SLC6A3: variants seen among roughly 807,000 people sequenced by gnomAD.
SLC6A3 encodes sodium-dependent dopamine transporter.
In SLC6A3, 19 loss-of-function variants were observed where a neutral mutation model predicts 70.4. That is an observed-to-expected ratio of 0.27 (90% CI 0.19 to 0.40). The LOEUF is 0.40. Among genes scored for constraint, SLC6A3 ranks in the 10% least tolerant of loss-of-function variants. The pLI, the probability that SLC6A3 is intolerant of heterozygous loss-of-function variation, is 1.00. For missense variants in SLC6A3, 613 were observed against 838.5 expected, an observed-to-expected ratio of 0.73 and a Z score of 3.32; for synonymous variants, 368 against 356.6, an observed-to-expected ratio of 1.03 and a Z score of -0.36.
At chr5:1,409,565 T>C (rs1229048660) in intron 10 of SLC6A3, among the ~76,000 whole-genome samples, 156 bp downstream of exon 10, 1 of 152,228 alleles carries the variant, frequency 6.6e-6, no homozygotes, top group Non-Finnish European at 1.5e-5. Flanking sequence ...GCAGTTACCC[T>C]GTGCACTGCT....
intron 8 of SLC6A3, among the ~76,000 whole-genome samples, chr5:1,414,098 G>A (rs560150687): frequency 2.8e-4 from 42 of 152,260 alleles, no homozygotes; most frequent in South Asian, 1.5e-3. Context: ...GGGATCTCCC[G>A]GCTGCTCTGT....
In SLC6A3 at chr5:1,442,774, C is replaced by A; in HGVS notation, c.286+138G>T. 1 of 861,172 alleles carries A rather than the reference C, an allele frequency of 1.2e-6. No individual in the cohort carries two copies. Among genetic ancestry groups the A allele is most frequent in the South Asian group, 1.4e-5 (1 of 71,070 alleles). 53.3% of individuals were successfully genotyped at this position (861,172 alleles called of 1,614,324 possible). A position where few individuals can be genotyped will look rare whatever the true frequency, so the allele number is the denominator to read the frequency against. ...TGACATCCTCTGGGAGGATCTGCAC[C>A]GGCCGTGAGCTCTCACAGGGAGCTC... On this transcript the variant is annotated intron_variant, in intron 2 of 14. Coordinates refer to ENST00000270349, the MANE Select transcript of SLC6A3 (RefSeq NM_001044.5). This position sits in a 1 kb window ranked among gnomAD's most constrained non-coding sequence, Gnocchi z 5.0.
chr5:1,410,756 A>C (rs1400807687), intron 9 of SLC6A3, among the ~76,000 whole-genome samples: 1 of 152,114 alleles, frequency 6.6e-6, no homozygotes, highest in East Asian at 1.9e-4. Context: ...GTCCGGAGCC[A>C]AGTCTTTGGT....
chr5:1,418,218 C>A (rs770439094), intron 6 of SLC6A3, among the ~76,000 whole-genome samples: 5 of 152,130 alleles, frequency 3.3e-5, no homozygotes, highest in Non-Finnish European at 5.9e-5. Flanking sequence ...TCCTCCTCAC[C>A]CTGATCTGTG....
At chr5:1,417,599 C>G (rs188319403) in intron 6 of SLC6A3, among the ~76,000 whole-genome samples, 1 of 152,324 alleles carries the variant, frequency 6.6e-6, no homozygotes, top group Non-Finnish European at 1.5e-5. Context: ...CACGATTGGA[C>G]CATTGTGGTA....
intron 12 of SLC6A3, among the ~76,000 whole-genome samples, chr5:1,403,500 A>T (rs28363128): frequency 8.3e-5 from 10 of 120,518 alleles, no homozygotes; most frequent in Non-Finnish European, 1.2e-4. Flanking sequence ...ATTCCATCCC[A>T]TCCTGTTCTA....
chr5:1,411,093 A>G lies in SLC6A3; in HGVS notation c.1269+150T>C, dbSNP rs947450472. 5.2e-5 allele frequency: 36 copies of G among 687,406 alleles called. No individual in the cohort carries two copies. Among genetic ancestry groups the G allele is most frequent in the Non-Finnish European group, 9.5e-5 (36 of 377,166 alleles). The allele number at this position is 687,406 out of a possible 1,614,324, so 42.6% of individuals were successfully genotyped here. Reference sequence around the variant, plus strand: ...TCCAGCCCCGAGAAAGGTCTCCCAAATAATCACGGGGCTCGCCCAAGTCAA... The same window carrying G: ...TCCAGCCCCGAGAAAGGTCTCCCAAGTAATCACGGGGCTCGCCCAAGTCAA... On this transcript the variant is annotated intron_variant, in intron 9 of 14. Coordinates refer to ENST00000270349, the MANE Select transcript of SLC6A3 (RefSeq NM_001044.5). This position sits in a 1 kb window ranked among gnomAD's most constrained non-coding sequence, Gnocchi z 6.5.
chr5:1,432,637 G>C lies in SLC6A3; in HGVS notation c.480C>G (p.Ile160Met). The C allele has an allele frequency of 6.2e-7, 1 of 1,614,204 alleles. No homozygotes were observed. Among genetic ancestry groups the C allele is most frequent in the Non-Finnish European group, 8.5e-7 (1 of 1,180,032 alleles). The change falls in exon 4 of 15, where the codon ATC (isoleucine) becomes ATG (methionine). Residue 160 changes from isoleucine (I) to methionine (M), a missense_variant. Transcript: ENST00000270349. Reference sequence around the variant, plus strand: ...AGAAGAGATAGTGCAGCGCCCAGGCGATGATGACGTTGTAGAAGAAGCCGA... The same window carrying C: ...AGAAGAGATAGTGCAGCGCCCAGGCCATGATGACGTTGTAGAAGAAGCCGA... ...LYVGFFYNVI[I>M]AWALHYLFSS...
At chr5:1,409,256 C>T (rs899298906) in intron 10 of SLC6A3, 131 bp from the exon 11 acceptor site, 1 of 732,748 alleles carries the variant, frequency 1.4e-6, no homozygotes, top group African/African-American at 1.7e-5. Context: ...AAAATTCAAC[C>T]CACATGCAGC....
chr5:1,415,205 T>C (rs569904575), intron 7 of SLC6A3, among the ~76,000 whole-genome samples: 2 of 152,056 alleles, frequency 1.3e-5, no homozygotes, highest in East Asian at 1.9e-4. Flanking sequence ...GGGCTGTGTT[T>C]CCCATGAACT....
chr5:1,398,658 AACAG>A (rs1755776756), intron 14 of SLC6A3, among the ~76,000 whole-genome samples: 1 of 152,256 alleles, frequency 6.6e-6, no homozygotes, highest in African/African-American at 2.4e-5. Flanking sequence ...GTTGAAAGTT[AACAG>A]ATTGCAAAAG....
intron 1 of SLC6A3, among the ~76,000 whole-genome samples, chr5:1,444,675 G>A (rs1289858587): frequency 6.6e-6 from 1 of 152,254 alleles, no homozygotes; most frequent in Non-Finnish European, 1.5e-5. Context: ...TTGGGAGAGG[G>A]CGTCGGGTGC....
rs564054633 is a variant in SLC6A3, at chr5:1,394,329, G to A, written c.*406C>T. The A allele has an allele frequency of 2.0e-5, 7 of 349,670 alleles. No individual in the cohort carries two copies. Among genetic ancestry groups the A allele is most frequent in the Middle Eastern group, 9.1e-4 (1 of 1,100 alleles). The allele number at this position is 349,670 out of a possible 1,614,324, so 21.7% of individuals were successfully genotyped here. A position where few individuals can be genotyped will look rare whatever the true frequency, so the allele number is the denominator to read the frequency against. Reference sequence around the variant, plus strand: ...TGGTCTAGGAAGCTACTGTGAGCACGGGGATTCTCAGCAGGTGCGTCTACA... The same window carrying A: ...TGGTCTAGGAAGCTACTGTGAGCACAGGGATTCTCAGCAGGTGCGTCTACA... On this transcript the variant is annotated 3_prime_UTR_variant, in exon 15 of 15. Coordinates refer to ENST00000270349, the MANE Select transcript of SLC6A3 (RefSeq NM_001044.5). The surrounding 1 kb of genome is among the most constrained non-coding windows in gnomAD (Gnocchi z 4.7).
In SLC6A3 at chr5:1,394,535, A is replaced by C. The variant is rs896362119; in HGVS notation, c.*200T>G. The C allele has an allele frequency of 2.5e-5, 17 of 682,414 alleles. No individual in the cohort carries two copies. The highest frequency in any genetic ancestry group is 1.0e-4 in the Admixed American group (5 of 48,048). 42.3% of individuals were successfully genotyped at this position (682,414 alleles called of 1,614,324 possible). A position where few individuals can be genotyped will look rare whatever the true frequency, so the allele number is the denominator to read the frequency against. On this transcript the variant is annotated 3_prime_UTR_variant, in exon 15 of 15. Coordinates refer to ENST00000270349, the MANE Select transcript of SLC6A3 (RefSeq NM_001044.5). This position sits in a 1 kb window ranked among gnomAD's most constrained non-coding sequence, Gnocchi z 4.7. Reference sequence around the variant, plus strand: ...ATCTACGTCGTTATTACAGCAACACAAGACACGGCGAGGTGCGCTCCCGGC... The same window carrying C: ...ATCTACGTCGTTATTACAGCAACACCAGACACGGCGAGGTGCGCTCCCGGC...
At chr5:1,430,386 G>A (rs531646984) in intron 4 of SLC6A3, among the ~76,000 whole-genome samples, 2 of 152,262 alleles carry the variant, frequency 1.3e-5, no homozygotes, top group South Asian at 4.1e-4. Context: ...CCTCCGCCCC[G>A]GCTCCTCACC....
At chr5:1,416,728 C>T (rs538089855) in intron 6 of SLC6A3, 1 of 251,300 alleles carries the variant, frequency 4.0e-6, no homozygotes, top group Admixed American at 5.1e-5. Context: ...GCCCTCGGAA[C>T]AGCACGGACT....
At position 1,413,596 on chromosome 5, in the gene SLC6A3, C is replaced by A. The variant is rs550966846; in HGVS notation, c.1156+1095G>T. Among the ~76,000 whole-genome samples, 105 of 152,324 alleles carry A rather than the reference C, an allele frequency of 6.9e-4. No homozygotes were observed. Among genetic ancestry groups the A allele is most frequent in the African/African-American group, 2.4e-3 (101 of 41,572 alleles). On this transcript the variant is annotated intron_variant, in intron 8 of 14. Coordinates refer to ENST00000270349, the MANE Select transcript of SLC6A3 (RefSeq NM_001044.5). This position sits in a 1 kb window ranked among gnomAD's most constrained non-coding sequence, Gnocchi z 7.1. ...TCATTCCTCACAAATGTAGTGCCCC[C>A]ACCCCACCCCCGGAGAAGACAGTCC... is the stretch of plus-strand genomic sequence containing the variant.
chr5:1,422,577 C>G (rs1209766804), intron 4 of SLC6A3, among the ~76,000 whole-genome samples: 21 of 60,664 alleles, frequency 3.5e-4, no homozygotes, highest in East Asian at 1.9e-3. Flanking sequence ...GCTGCCCACG[C>G]TGCTGGGTAC....
chr5:1,435,452 G>A (rs1476630026), intron 3 of SLC6A3, among the ~76,000 whole-genome samples: 1 of 152,248 alleles, frequency 6.6e-6, no homozygotes, highest in Non-Finnish European at 1.5e-5. Flanking sequence ...AGGAAGGGCT[G>A]AGTGTACCCT....
Sources: allele counts gnomAD v4.1 joint callset (sites outside exome capture counted in the v4.1 genomes callset), GRCh38; gene constraint gnomAD v4.1.1; non-coding constraint Gnocchi (gnomAD v3.1); transcripts MANE v1.5; gene names NCBI Gene and HGNC (gene_info 2026-07-23, HGNC 2026-07-21).